Variants in TMEM132C observed in about 807,000 individuals in gnomAD.
TMEM132C encodes the protein transmembrane protein 132C.
TMEM132C carries 29 observed loss-of-function variants against 61.4 expected under a neutral mutation model. The ratio of observed to expected loss-of-function variants is 0.47; its 90% confidence interval spans 0.35 to 0.64. The LOEUF is 0.64. Ranked by LOEUF, TMEM132C falls within the 30% of genes least tolerant of loss-of-function variation. The probability of loss-of-function intolerance (pLI) is 0.00; values close to 1 mark genes in which losing one functional copy is unlikely to be tolerated. For synonymous variants in TMEM132C, 656 were observed against 633.1 expected (o/e 1.04, Z -0.54); for missense variants, 1,408 against 1,476.9 (o/e 0.95, Z 0.76).
At chr12:128,380,124 A>G (rs1874352337) in intron 1 of TMEM132C, among the ~76,000 whole-genome samples, 1 of 152,234 alleles carries the variant, frequency 6.6e-6, no homozygotes, top group Non-Finnish European at 1.5e-5. Flanking sequence ...TTCTCTGATC[A>G]CCGTATTAAA....
At chr12:128,466,576 G>A (rs71462498) in intron 2 of TMEM132C, among the ~76,000 whole-genome samples, 1 of 152,138 alleles carries the variant, frequency 6.6e-6, no homozygotes, top group South Asian at 2.1e-4. Flanking sequence ...CTGCAGCTCA[G>A]GCTGGAGTGT....
chr12:128,404,294 A>G (rs2136012826), intron 1 of TMEM132C, among the ~76,000 whole-genome samples: 1 of 152,318 alleles, frequency 6.6e-6, no homozygotes, highest in South Asian at 2.1e-4. Flanking sequence ...GTGGGCATCC[A>G]CTGCCTACCC....
chr12:128,267,895 G>T (rs1336190189), intron 1 of TMEM132C, among the ~76,000 whole-genome samples: 1 of 152,208 alleles, frequency 6.6e-6, no homozygotes, highest in African/African-American at 2.4e-5. Context: ...CTTCCTCCCG[G>T]CTGTGTGCTC....
At chr12:128,616,110 G>T in intron 3 of TMEM132C, 42 bp from the exon 4 acceptor site, 1 of 1,540,372 alleles carries the variant, frequency 6.5e-7, no homozygotes, top group Non-Finnish European at 8.8e-7. Context: ...AGGGTCCTTT[G>T]AACAAAGTTG....
At chr12:128,340,896 TTCTC>T (rs1314142658) in intron 1 of TMEM132C, among the ~76,000 whole-genome samples, 2 of 132,946 alleles carry the variant, frequency 1.5e-5, no homozygotes, top group Non-Finnish European at 1.6e-5. Context: ...TTTTCTTTCT[TTCTC>T]TCTTTCTCTC....
rs1037401920 is a variant in TMEM132C at position 128,666,995 on chromosome 12, G to A, written c.1306-2422G>A. ...TGAGGCAGGAGAATGGCGTGAACCC[G>A]GGAGGCGGAGCTTGCAGTGAGCCGA... On this transcript the variant is annotated intron_variant, in intron 4 of 8. Transcript: ENST00000435159. Among the ~76,000 whole-genome samples, 3 of 152,176 alleles carry A rather than the reference G, an allele frequency of 2.0e-5. 1 individual carries two copies. The highest frequency in any genetic ancestry group is 1.3e-4 in the Admixed American group (2 of 15,284).
At chr12:128,512,659 A>C (rs1872602370) in intron 2 of TMEM132C, among the ~76,000 whole-genome samples, 1 of 152,224 alleles carries the variant, frequency 6.6e-6, no homozygotes, top group Admixed American at 6.5e-5. Flanking sequence ...CTCTGCAAGT[A>C]GGCAGAGGAG....
At chr12:128,452,519 C>A (rs1287189409) in intron 2 of TMEM132C, among the ~76,000 whole-genome samples, 4 of 148,540 alleles carry the variant, frequency 2.7e-5, no homozygotes, top group African/African-American at 1.0e-4. Flanking sequence ...ACTGTGTCTA[C>A]TAAAAATACA....
At chr12:128,644,393 A>G (rs899358707) in intron 4 of TMEM132C, among the ~76,000 whole-genome samples, 1 of 152,246 alleles carries the variant, frequency 6.6e-6, no homozygotes, top group Non-Finnish European at 1.5e-5. Context: ...CCAAAGAATA[A>G]AACATGATTT....
At chr12:128,418,998 A>G (rs1207666463) in intron 2 of TMEM132C, among the ~76,000 whole-genome samples, 2 of 152,156 alleles carry the variant, frequency 1.3e-5, no homozygotes, top group African/African-American at 4.8e-5. Flanking sequence ...TGTATCATCA[A>G]TGCAATGTGC....
chr12:128,695,494 G>T (rs1954753284), intron 6 of TMEM132C, among the ~76,000 whole-genome samples: 2 of 152,102 alleles, frequency 1.3e-5, no homozygotes, highest in South Asian at 4.1e-4. Context: ...CTGCACTTTA[G>T]CCTGGACAAC....
At chr12:128,609,909 T>C (rs543532437) in intron 3 of TMEM132C, among the ~76,000 whole-genome samples, 6 of 152,242 alleles carry the variant, frequency 3.9e-5, no homozygotes, top group Non-Finnish European at 8.8e-5. Context: ...AGCCTTCCTT[T>C]GCTCCCACCT....
chr12:128,410,280 T>C (rs752975422), intron 1 of TMEM132C, among the ~76,000 whole-genome samples: 5 of 152,188 alleles, frequency 3.3e-5, no homozygotes, highest in Non-Finnish European at 5.9e-5. Flanking sequence ...TGACCATGTT[T>C]CCTTTCACCT....
Position 128,706,214 on chromosome 12 carries a change from C to G in TMEM132C, c.3246C>G (p.Ile1082Met). 2 of 1,551,788 alleles carry G rather than the reference C, an allele frequency of 1.3e-6. No individual in the cohort carries two copies. Among genetic ancestry groups the G allele is most frequent in the Non-Finnish European group, 8.7e-7 (1 of 1,147,014 alleles). Reference sequence around the variant, plus strand: ...TCGTCAGCAGCAATGATGAGGACATCAAATGGGTGTGTCAAGACGTGGCTG... The same window carrying G: ...TCGTCAGCAGCAATGATGAGGACATGAAATGGGTGTGTCAAGACGTGGCTG... ...NSIVSSNDED[I>M]KWVCQDVAVG... Residue 1082 changes from isoleucine (I) to methionine (M), a missense_variant, in exon 9 of 9, where the codon ATC becomes ATG. Ile to Met is a conservative substitution (Grantham distance 10). Transcript: ENST00000435159.
chr12:128,281,430 G>A (rs1249246646), intron 1 of TMEM132C, among the ~76,000 whole-genome samples: 1 of 152,182 alleles, frequency 6.6e-6, no homozygotes, highest in African/African-American at 2.4e-5. Flanking sequence ...ACATGGGAAA[G>A]CCAATTGTAG....
chr12:128,442,291 G>C (rs1037625702), intron 2 of TMEM132C, among the ~76,000 whole-genome samples: 1 of 152,184 alleles, frequency 6.6e-6, no homozygotes, highest in African/African-American at 2.4e-5. Context: ...TGTTAAACTA[G>C]AGTTGAATGA....
intron 1 of TMEM132C, among the ~76,000 whole-genome samples, chr12:128,384,944 C>T (rs958859446): frequency 6.6e-6 from 1 of 151,926 alleles, no homozygotes; most frequent in African/African-American, 2.4e-5. Flanking sequence ...AAAGCCTTCA[C>T]GGCCACCTGT....
Position 128,415,169 on chromosome 12 carries a change from T to C in TMEM132C, c.523T>C (p.Phe175Leu). Residue 175 changes from phenylalanine to leucine, a missense_variant, in exon 2 of 9, where the codon TTC (phenylalanine) becomes CTC (leucine). Phe to Leu is a conservative substitution (Grantham distance 22, BLOSUM62 0). Coordinates refer to ENST00000435159, the MANE Select transcript of TMEM132C (RefSeq NM_001136103.3). The surrounding 1 kb of genome is among the most constrained non-coding windows in gnomAD (Gnocchi z 5.8). Reference sequence around the variant, plus strand: ...GCTGCCATGCCTGAGGGTCTTTGCTTTCCGAGAAACCAGAGAGGTGCGGGG... The same window carrying C: ...GCTGCCATGCCTGAGGGTCTTTGCTCTCCGAGAAACCAGAGAGGTGCGGGG... Reference protein sequence around the residue: ...EKLPCLRVFAFRETREVRGSC... With the variant: ...EKLPCLRVFALRETREVRGSC... 6.2e-7 allele frequency: 1 copy of C among 1,610,960 alleles called. No homozygotes were observed. Among genetic ancestry groups the C allele is most frequent in the Non-Finnish European group, 8.5e-7 (1 of 1,178,596 alleles).
intron 2 of TMEM132C, among the ~76,000 whole-genome samples, chr12:128,489,056 CAT>C (rs1206738409): frequency 2.0e-5 from 3 of 152,106 alleles, no homozygotes; most frequent in Non-Finnish European, 4.4e-5. Context: ...TCCCAGATCA[CAT>C]AATTAAAGAC....
Sources: allele counts gnomAD v4.1 joint callset (sites outside exome capture counted in the v4.1 genomes callset), GRCh38; gene constraint gnomAD v4.1.1; non-coding constraint Gnocchi (gnomAD v3.1); transcripts MANE v1.5; gene names NCBI Gene and HGNC (gene_info 2026-07-23, HGNC 2026-07-21).